The following SLC16A7 variants were observed in gnomAD, a reference collection of about 807,000 sequenced individuals.
SLC16A7 encodes monocarboxylate transporter 2.
SLC16A7 carries 33 observed loss-of-function variants against 34.9 expected under a neutral mutation model. That is an observed-to-expected ratio of 0.94 (90% confidence interval 0.72 to 1.26). The LOEUF (loss-of-function observed/expected upper bound fraction) is 1.26. Ranked by LOEUF, SLC16A7 falls within the 50% of genes most tolerant of loss-of-function variation. The pLI, the probability that SLC16A7 is intolerant of heterozygous loss-of-function variation, is 0.00. For synonymous variants in SLC16A7, 201 were observed against 206.6 expected (o/e 0.97, Z 0.23); for missense variants, 573 against 578.1 (o/e 0.99, Z 0.09).
At chr12:59,667,833 T>C (rs982694760) in intron 2 of SLC16A7, among the ~76,000 whole-genome samples, 1 of 152,164 alleles carries the variant, frequency 6.6e-6, no homozygotes, top group Non-Finnish European at 1.5e-5. Flanking sequence ...GAAAAATGGT[T>C]TCCCGGACGG....
chr12:59,747,162 T>C (rs1354819325), intron 3 of SLC16A7, among the ~76,000 whole-genome samples: 1 of 152,220 alleles, frequency 6.6e-6, no homozygotes, highest in African/African-American at 2.4e-5. Context: ...GACATTTTAC[T>C]ACCAAGAACT....
intron 1 of SLC16A7, among the ~76,000 whole-genome samples, chr12:59,619,939 G>A (rs1190131354): frequency 6.6e-6 from 1 of 151,946 alleles, no homozygotes; most frequent in East Asian, 1.9e-4. Context: ...AAGGCACTGA[G>A]GCTTTAAGTG....
intron 3 of SLC16A7, among the ~76,000 whole-genome samples, chr12:59,710,797 C>T (rs890194865): frequency 2.8e-4 from 42 of 152,164 alleles, no homozygotes; most frequent in African/African-American, 7.9e-4. Context: ...TGACAGAAAC[C>T]TGATACAGAT....
chr12:59,607,293 G>C (rs768257147), intron 1 of SLC16A7, among the ~76,000 whole-genome samples: 4 of 152,192 alleles, frequency 2.6e-5, no homozygotes, highest in African/African-American at 2.4e-5. Flanking sequence ...AGTTAAGAGA[G>C]GAGCTAGTCG....
At chr12:59,630,813 A>G (rs1880149284) in intron 1 of SLC16A7, among the ~76,000 whole-genome samples, 1 of 151,960 alleles carries the variant, frequency 6.6e-6, no homozygotes, top group Non-Finnish European at 1.5e-5. Flanking sequence ...ATAAGATTAA[A>G]TGATTAAAAT....
chr12:59,742,765 G>A (rs1012333798), intron 3 of SLC16A7, among the ~76,000 whole-genome samples: 16 of 152,108 alleles, frequency 1.1e-4, no homozygotes, highest in African/African-American at 3.9e-4. Context: ...ATATTCTTGG[G>A]CTACATCTTT....
intron 1 of SLC16A7, among the ~76,000 whole-genome samples, chr12:59,599,831 G>A (rs569643785): frequency 6.6e-6 from 1 of 152,294 alleles, no homozygotes; most frequent in South Asian, 2.1e-4. Context: ...GCTTCTCTTA[G>A]GCTGATTCTT....
rs948483325 is a variant in SLC16A7, at chr12:59,704,789, T to C, written c.-13T>C. ...TAATATAGGTTACTTGAATTTCCAC[T>C]AGAGGAGCAGAAATGCCACCAATGC... On this transcript the variant is annotated 5_prime_UTR_variant, in exon 3 of 6. Transcript: ENST00000547379. 1 of 1,594,244 alleles carries C rather than the reference T, an allele frequency of 6.3e-7. No homozygotes were observed. The highest frequency in any genetic ancestry group is 2.2e-5 in the East Asian group (1 of 44,602).
chr12:59,652,742 A>C (rs1336585086), intron 1 of SLC16A7, among the ~76,000 whole-genome samples: 1 of 151,794 alleles, frequency 6.6e-6, no homozygotes, highest in East Asian at 1.9e-4. Context: ...CTCTTAGTTT[A>C]TGAACCTTTC....
chr12:59,750,850 C>T (rs375069295), intron 3 of SLC16A7, among the ~76,000 whole-genome samples: 9 of 152,150 alleles, frequency 5.9e-5, no homozygotes, highest in East Asian at 1.9e-4. Context: ...GAAAATGTGG[C>T]GCATATACAC....
At chr12:59,674,686 G>T (rs558398642) in intron 2 of SLC16A7, among the ~76,000 whole-genome samples, 1 of 152,280 alleles carries the variant, frequency 6.6e-6, no homozygotes, top group African/African-American at 2.4e-5. Context: ...GCAAAAAAGA[G>T]GAGCAGCATG....
chr12:59,775,181 G>T lies in SLC16A7; in HGVS notation c.886G>T (p.Ala296Ser), dbSNP rs939792948. Residue 296 changes from alanine to serine, a missense_variant, in exon 5 of 6, where the codon GCT (alanine) becomes TCT (serine). By Grantham distance (99) the Ala-to-Ser change is moderately conservative (BLOSUM62 1). Coordinates refer to ENST00000547379, the MANE Select transcript of SLC16A7 (RefSeq NM_001270623.2). ...LSVMAFVDMF[A>S]RPSVGLIANS... ...TGTTATGGCTTTCGTTGATATGTTT[G>T]CTAGGCCTTCTGTAGGATTAATTGC... The T allele has an allele frequency of 6.2e-7, 1 of 1,614,088 alleles. No homozygotes were observed. The highest frequency in any genetic ancestry group is 1.7e-4 in the Middle Eastern group (1 of 6,060).
At chr12:59,605,237 T>G (rs1467834645) in intron 1 of SLC16A7, among the ~76,000 whole-genome samples, 3 of 152,218 alleles carry the variant, frequency 2.0e-5, no homozygotes, top group African/African-American at 7.2e-5. Context: ...CCTTACTATT[T>G]GAAGGAGTTA....
In SLC16A7 at chr12:59,626,391, G is replaced by A. The variant is rs117571856; in HGVS notation, c.-129-28761G>A. Reference sequence around the variant, plus strand: ...TAACTCAAAAATGTATAAATAAAACGACTAATTATTTACAAATTTGTATGG... The same window carrying A: ...TAACTCAAAAATGTATAAATAAAACAACTAATTATTTACAAATTTGTATGG... On this transcript the variant is annotated intron_variant, in intron 1 of 5. Transcript: ENST00000547379. 1.2e-3 allele frequency among the ~76,000 whole-genome samples: 183 copies of A among 151,664 alleles called. 1 individual carries two copies. The East Asian group carries it at 0.031, about 26-fold the overall frequency.
chr12:59,602,986 T>TC (rs536604621), intron 1 of SLC16A7, among the ~76,000 whole-genome samples: 235 of 152,290 alleles, frequency 1.5e-3, no homozygotes, highest in African/African-American at 5.4e-3. Context: ...TATCCTGTGG[T>TC]CTCTTCCTTC....
chr12:59,716,090 T>C (rs1874863903), intron 3 of SLC16A7, among the ~76,000 whole-genome samples: 1 of 152,214 alleles, frequency 6.6e-6, no homozygotes, highest in African/African-American at 2.4e-5. Flanking sequence ...AAAGCTTCTG[T>C]GGAAGCTTTG....
intron 2 of SLC16A7, among the ~76,000 whole-genome samples, chr12:59,672,563 G>A (rs1338489308): frequency 1.3e-5 from 2 of 151,596 alleles, no homozygotes; most frequent in Non-Finnish European, 2.9e-5. Context: ...TCTGTTTCTG[G>A]GCAATGGAGA....
intron 2 of SLC16A7, among the ~76,000 whole-genome samples, chr12:59,675,815 G>A (rs1172793612): frequency 3.3e-5 from 5 of 152,154 alleles, no homozygotes; most frequent in African/African-American, 1.2e-4. Context: ...ATGTCCTGAT[G>A]TTATTTAGCA....
intron 4 of SLC16A7, among the ~76,000 whole-genome samples, chr12:59,772,191 T>G (rs1020293909): frequency 6.6e-6 from 1 of 152,184 alleles, no homozygotes; most frequent in Non-Finnish European, 1.5e-5. Context: ...CTTACACTCA[T>G]GCATCATTTG....
Sources: allele counts gnomAD v4.1 joint callset (sites outside exome capture counted in the v4.1 genomes callset), GRCh38; gene constraint gnomAD v4.1.1; transcripts MANE v1.5; gene names NCBI Gene and HGNC (gene_info 2026-07-23, HGNC 2026-07-21).